NAV3: variants seen among roughly 807,000 people sequenced by gnomAD.
NAV3 encodes the protein pore membrane and/or filament interacting like protein 1.
NAV3 carries 87 observed loss-of-function variants against 244.7 expected under a neutral mutation model. That is an observed-to-expected ratio of 0.36 (90% CI 0.30 to 0.42). The LOEUF is 0.42. Ranked by LOEUF, NAV3 falls within the 20% of genes least tolerant of loss-of-function variation. NAV3 has a pLI of 1.00. For missense variants in NAV3, 2,663 were observed against 2,893.3 expected, an observed-to-expected ratio of 0.92 and a Z score of 1.83; for synonymous variants, 1,126 against 1,042.2, an observed-to-expected ratio of 1.08 and a Z score of -1.55.
chr12:77,882,452 A>G (rs1882772089), intron 1 of NAV3, among the ~76,000 whole-genome samples: 1 of 152,154 alleles, frequency 6.6e-6, no homozygotes, highest in African/African-American at 2.4e-5. Context: ...AACGACTTAA[A>G]TGTAAGGCCT....
intron 2 of NAV3, among the ~76,000 whole-genome samples, chr12:77,581,216 CA>C (rs1250882994): frequency 6.6e-6 from 1 of 152,210 alleles, no homozygotes; most frequent in Non-Finnish European, 1.5e-5. Context: ...CTCCATCCCA[CA>C]TCTATTGCTT....
chr12:78,058,429 A>G (rs935100765), intron 11 of NAV3, among the ~76,000 whole-genome samples: 3 of 152,162 alleles, frequency 2.0e-5, no homozygotes, highest in Non-Finnish European at 4.4e-5. Context: ...CCCGTTATTC[A>G]GTTATCTCTA....
intron 9 of NAV3, among the ~76,000 whole-genome samples, chr12:78,041,633 A>G (rs1029208477): frequency 2.0e-5 from 3 of 152,188 alleles, no homozygotes; most frequent in African/African-American, 7.2e-5. Flanking sequence ...GGCCTTTCCA[A>G]TGTTGGAGTT....
chr12:77,864,102 T>G (rs1236893894), intron 1 of NAV3, among the ~76,000 whole-genome samples: 2 of 151,990 alleles, frequency 1.3e-5, no homozygotes, highest in African/African-American at 2.4e-5. Context: ...TGAAGATTCA[T>G]TTAAATCCTG....
At chr12:78,050,619 C>G in intron 10 of NAV3, 145 bp from the exon 11 acceptor site, 2 of 873,266 alleles carry the variant, frequency 2.3e-6, no homozygotes, top group South Asian at 3.7e-5. Flanking sequence ...AATTTGACCT[C>G]AAAATGAATA....
At chr12:77,648,272 C>G (rs1204065612) in intron 2 of NAV3, among the ~76,000 whole-genome samples, 2 of 152,016 alleles carry the variant, frequency 1.3e-5, no homozygotes, top group African/African-American at 4.8e-5. Flanking sequence ...TAGTTAGAGA[C>G]CTGATCTTTA....
chr12:78,005,488 T>C (rs1874040839), intron 7 of NAV3, among the ~76,000 whole-genome samples: 1 of 152,188 alleles, frequency 6.6e-6, no homozygotes, highest in Non-Finnish European at 1.5e-5. Context: ...AACGGCATCA[T>C]TCAGAAGATT....
At chr12:77,960,772 C>T (rs1891836112) in intron 3 of NAV3, among the ~76,000 whole-genome samples, 1 of 146,370 alleles carries the variant, frequency 6.8e-6, no homozygotes, top group Admixed American at 6.9e-5. Context: ...ATGATATATA[C>T]ATATGCAGTA....
intron 1 of NAV3, among the ~76,000 whole-genome samples, chr12:77,931,879 T>C (rs966193167): frequency 1.4e-5 from 2 of 148,110 alleles, no homozygotes; most frequent in African/African-American, 5.0e-5. Context: ...ATAATAATAA[T>C]AATCTACTTG....
intron 1 of NAV3, among the ~76,000 whole-genome samples, chr12:77,909,824 G>T (rs947265322): frequency 2.6e-5 from 4 of 151,944 alleles, no homozygotes; most frequent in African/African-American, 9.7e-5. Context: ...AAATCTTAAT[G>T]GTATCACAAT....
At chr12:78,174,585 AT>A (rs1483579126) in intron 24 of NAV3, among the ~76,000 whole-genome samples, 1 of 151,890 alleles carries the variant, frequency 6.6e-6, no homozygotes, top group African/African-American at 2.4e-5. Context: ...TAGTTTGATT[AT>A]TATTTGTTAT....
At chr12:78,202,191 G>A (rs953688905) in intron 38 of NAV3, among the ~76,000 whole-genome samples, 1 of 151,848 alleles carries the variant, frequency 6.6e-6, no homozygotes, top group African/African-American at 2.4e-5. Context: ...AACTACTATA[G>A]GATATACATT....
At chr12:77,860,396 A>G (rs1226718295) in intron 1 of NAV3, among the ~76,000 whole-genome samples, 1 of 150,958 alleles carries the variant, frequency 6.6e-6, no homozygotes. Flanking sequence ...TGAAGTATAT[A>G]TATAAATATA....
intron 38 of NAV3, among the ~76,000 whole-genome samples, chr12:78,201,311 A>G (rs996624187): frequency 3.4e-4 from 52 of 151,550 alleles, no homozygotes; most frequent in Admixed American, 1.5e-3. Flanking sequence ...TTTTTTTCAC[A>G]TAATTTTTGA....
chr12:77,827,720 T>A (rs536761687), upstream of NAV3, among the ~76,000 whole-genome samples: 4 of 152,338 alleles, frequency 2.6e-5, no homozygotes, highest in South Asian at 2.1e-4. Context: ...GAACACTTAC[T>A]ATGTGGAAAA....
chr12:77,714,637 C>T (rs963281325), intron 2 of NAV3, among the ~76,000 whole-genome samples: 6 of 152,110 alleles, frequency 3.9e-5, no homozygotes, highest in Non-Finnish European at 7.4e-5. Context: ...AGACTTCATA[C>T]GATTTACCTA....
intron 12 of NAV3, among the ~76,000 whole-genome samples, chr12:78,069,364 G>T (rs1167889470): frequency 6.6e-6 from 1 of 151,872 alleles, no homozygotes; most frequent in African/African-American, 2.4e-5. Context: ...ACAAAAGTGT[G>T]AAGAAGAATC....
intron 2 of NAV3, among the ~76,000 whole-genome samples, chr12:77,699,590 C>T (rs1448197346): frequency 6.6e-6 from 1 of 151,988 alleles, no homozygotes; most frequent in African/African-American, 2.4e-5. Context: ...TTCGAGCTTC[C>T]TTGTTTCTAA....
chr12:77,895,544 T>C (rs1592926366), intron 1 of NAV3, among the ~76,000 whole-genome samples: 1 of 152,148 alleles, frequency 6.6e-6, no homozygotes, highest in Admixed American at 6.6e-5. Context: ...TATTTTTGCT[T>C]TGATTTTATG....
Sources: allele counts gnomAD v4.1 joint callset (sites outside exome capture counted in the v4.1 genomes callset), GRCh38; gene constraint gnomAD v4.1.1; transcripts MANE v1.5; gene names NCBI Gene and HGNC (gene_info 2026-07-23, HGNC 2026-07-21).